Variants in MMP17 observed in about 807,000 individuals in gnomAD.
The protein encoded by MMP17 is matrix metalloproteinase-17.
Under a neutral mutation model 49.1 loss-of-function variants are expected in MMP17, and 54 were observed. That is an observed-to-expected ratio of 1.10 (90% CI 0.88 to 1.38). MMP17 has a LOEUF of 1.38. Among genes scored for constraint, MMP17 ranks in the 40% most tolerant of loss-of-function variants. MMP17 has a pLI of 0.00. For missense variants in MMP17, 837 were observed against 853.7 expected (o/e 0.98, Z 0.24); for synonymous variants, 397 against 383.1 (o/e 1.04, Z -0.42).
At position 131,849,819 on chromosome 12, in the gene MMP17, T is replaced by A; in HGVS notation, c.1222T>A (p.Phe408Ile). 4 of 1,613,560 alleles carry A rather than the reference T, an allele frequency of 2.5e-6. No homozygotes were observed. The highest frequency in any genetic ancestry group is 3.4e-6 in the Non-Finnish European group (4 of 1,179,868). The change falls in exon 9 of 10, where the codon TTC (phenylalanine) becomes ATC (isoleucine). Residue 408 changes from phenylalanine to isoleucine, a missense_variant. Phe to Ile is a conservative substitution (Grantham distance 21). Coordinates refer to ENST00000360564, the MANE Select transcript of MMP17 (RefSeq NM_016155.7). ...GCCCCCAGGAGACAGGTACTGGGTG[T>A]TCAAGGACAATAACGTAGAGGAAGG... The part of the protein sequence containing the change: ...VFFKGDRYWV[F>I]KDNNVEEGYP...
chr12:131,842,447 G>A (rs774657591), intron 5 of MMP17, among the ~76,000 whole-genome samples: 12 of 152,150 alleles, frequency 7.9e-5, no homozygotes, highest in Non-Finnish European at 1.2e-4. Flanking sequence ...TCCATGCATC[G>A]TTTCCACTGT....
intron 1 of MMP17, among the ~76,000 whole-genome samples, chr12:131,832,206 C>A (rs187020668): frequency 4.4e-4 from 2 of 4,584 alleles, no homozygotes; most frequent in Admixed American, 5.4e-3. Context: ...CTGGGGGGGA[C>A]GGGAAGGGGG....
intron 6 of MMP17, chr12:131,844,471 T>G (rs1237607695): frequency 3.6e-6 from 1 of 278,574 alleles, no homozygotes; most frequent in Non-Finnish European, 6.8e-6. Flanking sequence ...CCACATCTGG[T>G]GCCAGGGCTG....
At chr12:131,843,139 A>G (rs1429596487) in intron 5 of MMP17, among the ~76,000 whole-genome samples, 5 of 145,340 alleles carry the variant, frequency 3.4e-5, no homozygotes, top group Admixed American at 2.1e-4. Flanking sequence ...AATTTTTTGT[A>G]TTTTTTTTTT....
At chr12:131,845,274 G>A (rs747212883) in intron 7 of MMP17, 23 bp from the exon 8 acceptor site, 29 of 1,612,228 alleles carry the variant, frequency 1.8e-5, no homozygotes, top group Admixed American at 1.7e-4. Context: ...TCTGCAGCCC[G>A]GCCCTCCCCT....
In MMP17 at chr12:131,849,556, C is replaced by T. The variant is rs528429813; in HGVS notation, c.1205-246C>T. Among the ~76,000 whole-genome samples the T allele has an allele frequency of 5.3e-4, 81 of 152,288 alleles. No homozygotes were observed. In the Middle Eastern group the frequency reaches 0.027, roughly 51 times the overall value. ...GTTTGGCCCGAGTTGTTGTTTCCAT[C>T]GGTAAAGGGGTGGCCGGCAGCGTCC... On this transcript the variant is annotated intron_variant, in intron 8 of 9. Coordinates refer to ENST00000360564, the MANE Select transcript of MMP17 (RefSeq NM_016155.7).
At chr12:131,838,832 G>A (rs1406208672) in intron 3 of MMP17, 91 bp downstream of exon 3, 11 of 1,446,344 alleles carry the variant, frequency 7.6e-6, no homozygotes, top group Non-Finnish European at 8.3e-6. Context: ...AGGTGGGCGC[G>A]TGGCCAGGGT....
chr12:131,845,094 G>A lies in MMP17; in HGVS notation c.969-24G>A, dbSNP rs1310195216. 5.6e-6 allele frequency: 9 copies of A among 1,596,690 alleles called. No homozygotes were observed. The Admixed American group carries it at 8.4e-5, about 15-fold the overall frequency. On this transcript the variant is annotated intron_variant, in intron 6 of 9. Coordinates refer to ENST00000360564, the MANE Select transcript of MMP17 (RefSeq NM_016155.7). ...CGCGCTGCCCAGGCCCCGCCTCCCA[G>A]CCCACCTGGCTCTCTCCCTGCAGGC... is the stretch of plus-strand genomic sequence containing the variant.
intron 8 of MMP17, among the ~76,000 whole-genome samples, chr12:131,845,817 A>G (rs914657532): frequency 6.6e-6 from 1 of 152,122 alleles, no homozygotes; most frequent in Non-Finnish European, 1.5e-5. Context: ...AAACTAGGGA[A>G]CAGTGTTCCA....
At chr12:131,842,143 A>G (rs1793654952) in intron 5 of MMP17, among the ~76,000 whole-genome samples, 2 of 152,224 alleles carry the variant, frequency 1.3e-5, no homozygotes. Context: ...TACAGATGAG[A>G]AAACTGAGGC....
rs201656653 is a variant in MMP17 at position 131,840,802 on chromosome 12, A to C, written c.652A>C (p.Thr218Pro). 6 of 1,606,114 alleles carry C rather than the reference A, an allele frequency of 3.7e-6. No homozygotes were observed. The South Asian group carries it at 6.6e-5, about 18-fold the overall frequency. The change falls in exon 4 of 10, where the codon ACC (threonine) becomes CCC (proline). Residue 218 changes from threonine (T) to proline (P), a missense_variant. Thr to Pro is a conservative substitution (Grantham distance 38). Transcript: ENST00000360564. ...CGCCTTCTTCCCCGGCCACCACCAC[A>C]CCGCCGGGGACACCCACTTTGACGA... Reference protein sequence around the residue: ...AHAFFPGHHHTAGDTHFDDDE... With the variant: ...AHAFFPGHHHPAGDTHFDDDE...
At chr12:131,840,384 A>T (rs1887323374) in intron 3 of MMP17, 189 bp from the exon 4 acceptor site, 1 of 573,450 alleles carries the variant, frequency 1.7e-6, no homozygotes, top group African/African-American at 1.9e-5. Flanking sequence ...TCCCTCCGTC[A>T]TCTATCCCAG....
At chr12:131,844,710 T>A in intron 6 of MMP17, 1 of 235,418 alleles carries the variant, frequency 4.2e-6, no homozygotes, top group Non-Finnish European at 8.6e-6. Flanking sequence ...GACATGCACC[T>A]TGTCCCTGAC....
chr12:131,841,145 C>A (rs1004573740), intron 4 of MMP17, among the ~76,000 whole-genome samples: 4 of 152,232 alleles, frequency 2.6e-5, no homozygotes, highest in Non-Finnish European at 4.4e-5. Flanking sequence ...GCCTCTGTGG[C>A]CCCGGCTCAG....
intron 4 of MMP17, among the ~76,000 whole-genome samples, chr12:131,841,241 A>G (rs1189364746): frequency 1.3e-5 from 2 of 152,216 alleles, no homozygotes; most frequent in Non-Finnish European, 2.9e-5. Context: ...CTTGGGAACC[A>G]TGCAGTCCTG....
At position 131,846,279 on chromosome 12, in the gene MMP17, T is replaced by G. The variant is rs1887699036; in HGVS notation, c.1204+830T>G. On this transcript the variant is annotated intron_variant, in intron 8 of 9. Transcript: ENST00000360564. The surrounding 1 kb of genome is among the most constrained non-coding windows in gnomAD (Gnocchi z 4.6). ...GCCACATCCCTCCTGCCACCGCCTCTGTCTCCACCCGGCCGTCTCCTCCCC... is the reference window on the plus strand; with the variant it reads ...GCCACATCCCTCCTGCCACCGCCTCGGTCTCCACCCGGCCGTCTCCTCCCC... Among the ~76,000 whole-genome samples the G allele has an allele frequency of 6.6e-6, 1 of 152,226 alleles. No individual in the cohort carries two copies. Among genetic ancestry groups the G allele is most frequent in the Non-Finnish European group, 1.5e-5 (1 of 68,040 alleles).
chr12:131,839,870 C>T (rs533918464), intron 3 of MMP17, among the ~76,000 whole-genome samples: 2 of 107,244 alleles, frequency 1.9e-5, no homozygotes, highest in South Asian at 7.0e-4. Context: ...ATCACTTGAA[C>T]CTGGGAGGCG....
intron 1 of MMP17, among the ~76,000 whole-genome samples, chr12:131,832,759 C>T (rs922850047): frequency 6.6e-6 from 1 of 152,104 alleles, no homozygotes; most frequent in Non-Finnish European, 1.5e-5. Flanking sequence ...CAAGTCCCCT[C>T]CTCATGTTGG....
At position 131,837,984 on chromosome 12, in the gene MMP17, A is replaced by T. The variant is rs1186893855; in HGVS notation, c.160-211A>T. ...CTCGGCCTCCCAAACTGCTGGGATTACAGGCGTGAGCCACAGCACCCGGCC... is the reference window on the plus strand; with the variant it reads ...CTCGGCCTCCCAAACTGCTGGGATTTCAGGCGTGAGCCACAGCACCCGGCC... On this transcript the variant is annotated intron_variant, in intron 1 of 9. Coordinates refer to ENST00000360564, the MANE Select transcript of MMP17 (RefSeq NM_016155.7). 8.0e-6 allele frequency: 4 copies of T among 503,120 alleles called. No individual in the cohort carries two copies. The East Asian group carries it at 1.3e-4, about 17-fold the overall frequency. 31.2% of individuals were successfully genotyped at this position (503,120 alleles called of 1,614,324 possible). A position where few individuals can be genotyped will look rare whatever the true frequency, so the allele number is the denominator to read the frequency against.
Sources: gnomAD v4.1 joint callset for allele counts (sites outside exome capture counted in the v4.1 genomes callset) on GRCh38, gnomAD v4.1.1 for gene constraint, Gnocchi (gnomAD v3.1) non-coding constraint, MANE v1.5 for transcripts, NCBI Gene and HGNC (gene_info 2026-07-23, HGNC 2026-07-21) for gene names.